ERCC6L: variants seen among roughly 807,000 people sequenced by gnomAD.
The protein encoded by ERCC6L is DNA excision repair protein ERCC-6-like.
ERCC6L carries 7 observed loss-of-function variants against 20.1 expected under a neutral mutation model. The ratio of observed to expected loss-of-function variants is 0.35; its 90% CI spans 0.20 to 0.65. The LOEUF (loss-of-function observed/expected upper bound fraction) is 0.65, where lower values mean the gene tolerates loss of function less well. Ranked by LOEUF, ERCC6L falls within the 30% of genes least tolerant of loss-of-function variation. The pLI is 0.69. For synonymous variants in ERCC6L, 278 were observed against 331.3 expected (o/e 0.84, Z 1.75); for missense variants, 592 against 892.4 (o/e 0.66, Z 4.29).
chrX:72,206,203 T>C lies in ERCC6L; in HGVS notation c.2564A>G (p.Glu855Gly), dbSNP rs2042818949. ...TTCCAGAGGATCCTCTTGCAGTGCC[T>C]CTTGCTTAGGCCCCTCTTGTAATGT... ...KETLQEGPKQ[E>G]ALQEDPLESF... Residue 855 changes from glutamate to glycine, a missense_variant, in exon 2 of 2, where the codon GAG (glutamate) becomes GGG (glycine). Around this residue, in one of 3 missense-constraint regions of ERCC6L, gnomAD observed 352 missense variants for 402.6 expected, o/e 0.87. Transcript: ENST00000334463. 1.6e-5 allele frequency: 19 copies of C among 1,211,791 alleles called. No homozygotes were observed. The highest frequency in any genetic ancestry group is 2.0e-5 in the Non-Finnish European group (18 of 895,373).
Position 72,221,085 on chromosome X carries a change from G to A in ERCC6L, c.69-12387C>T, listed in dbSNP as rs182372932. ...TGAAGGGGACTGCAAGGCTCTGGCC[G>A]GGGCTACTCCCCAACAAGTCTTTAA... On this transcript the variant is annotated intron_variant, in intron 1 of 1. Coordinates refer to ENST00000334463, the MANE Select transcript of ERCC6L (RefSeq NM_017669.4). Among the ~76,000 whole-genome samples the A allele has an allele frequency of 1.4e-3, 156 of 111,903 alleles. 1 individual carries two copies. The highest frequency in any genetic ancestry group is 4.6e-3 in the African/African-American group (141 of 30,836).
chrX:72,220,378 A>G (rs943559996), intron 1 of ERCC6L, among the ~76,000 whole-genome samples: 2 of 112,018 alleles, frequency 1.8e-5, no homozygotes, highest in African/African-American at 6.5e-5. Context: ...CATCTTGGAC[A>G]GGCCCCTCAT....
chrX:72,236,373 G>A (rs916013211), intron 1 of ERCC6L, among the ~76,000 whole-genome samples: 20 of 111,019 alleles, frequency 1.8e-4, no homozygotes, highest in Non-Finnish European at 3.0e-4. Context: ...ATCTCAGCTC[G>A]CTGCAACCTC....
intron 1 of ERCC6L, among the ~76,000 whole-genome samples, chrX:72,227,710 C>T (rs1011978768): frequency 9.0e-6 from 1 of 111,559 alleles, no homozygotes; most frequent in Non-Finnish European, 1.9e-5. Flanking sequence ...GATCCCAGTC[C>T]TACCCCCAAT....
chrX:72,205,402 C>T lies in ERCC6L; in HGVS notation c.3365G>A (p.Gly1122Asp). 3 of 1,211,969 alleles carry T rather than the reference C, an allele frequency of 2.5e-6. No individual in the cohort carries two copies. Among genetic ancestry groups the T allele is most frequent in the Non-Finnish European group, 3.3e-6 (3 of 895,549 alleles). ...CCCTTCTTCTGGATAATCTTCAGGA[C>T]CCTTTGCTTCACTGCTGTCGTCAAG... ...ERLDDSSEAK[G>D]PEDYPEEGVE... The change falls in exon 2 of 2, where the codon GGT (glycine) becomes GAT (aspartate). Residue 1122 changes from glycine (G) to aspartate (D), a missense_variant. By Grantham distance (94) the Gly-to-Asp change is moderately conservative. This residue lies in a region of ERCC6L where 352 missense variants were observed against 402.6 expected (regional missense o/e 0.87). Coordinates refer to ENST00000334463, the MANE Select transcript of ERCC6L (RefSeq NM_017669.4).
At chrX:72,229,847 T>G (rs1007489373) in intron 1 of ERCC6L, among the ~76,000 whole-genome samples, 2 of 111,762 alleles carry the variant, frequency 1.8e-5, no homozygotes, top group African/African-American at 6.5e-5. Context: ...TTAAGGCTGT[T>G]TCAACAGAAC....
At chrX:72,226,129 C>T (rs78701177) in intron 1 of ERCC6L, among the ~76,000 whole-genome samples, 2 of 111,791 alleles carry the variant, frequency 1.8e-5, no homozygotes, top group South Asian at 7.5e-4. Flanking sequence ...AGATGCTCCC[C>T]CCTTAATCCT....
Position 72,208,588 on chromosome X carries a change from A to G in ERCC6L, c.179T>C (p.Ile60Thr). The change falls in exon 2 of 2, where the codon ATC becomes ACC. Residue 60 changes from isoleucine to threonine, a missense_variant. This residue lies in a region of ERCC6L where 44 missense variants were observed against 49.8 expected (regional missense o/e 0.88). Coordinates refer to ENST00000334463, the MANE Select transcript of ERCC6L (RefSeq NM_017669.4). ...IFPNEKVLSR[I>T]QKIQEALEEL... ...CTCCAAGGCTTCCTGTATTTTTTGG[A>G]TTCTGCTCAGCACTTTTTCATTGGG... 1.7e-6 allele frequency: 2 copies of G among 1,211,445 alleles called. No individual in the cohort carries two copies. The highest frequency in any genetic ancestry group is 2.2e-6 in the Non-Finnish European group (2 of 895,358).
chrX:72,205,067 G>C lies in ERCC6L; in HGVS notation c.3700C>G (p.Pro1234Ala). The change falls in exon 2 of 2, where the codon CCT becomes GCT. Residue 1234 changes from proline (P) to alanine (A), a missense_variant. Physicochemically the swap from Pro to Ala is conservative, Grantham distance 27 (BLOSUM62 -1). Coordinates refer to ENST00000334463, the MANE Select transcript of ERCC6L (RefSeq NM_017669.4). Reference protein sequence around the residue: ...VKALDIKSADPEVMLLTLSLY... With the variant: ...VKALDIKSADAEVMLLTLSLY... ...CTTAAAGTCAAGAGCATAACTTCAG[G>C]ATCTGCACTTTTTATGTCAAGCGCT... The C allele has an allele frequency of 3.1e-5, 37 of 1,210,319 alleles. No individual in the cohort carries two copies. The highest frequency in any genetic ancestry group is 4.0e-5 in the Non-Finnish European group (36 of 894,921).
In ERCC6L at chrX:72,206,169, A is replaced by G. The variant is rs377308473; in HGVS notation, c.2598T>C (p.Asn866=). 6.6e-5 allele frequency: 80 copies of G among 1,210,356 alleles called. No homozygotes were observed. Among genetic ancestry groups the G allele is most frequent in the Non-Finnish European group, 8.3e-5 (74 of 895,320 alleles). ...CTTTGGTTGATTTGCTAAGTACATA[A>G]TTAAAACTTTCCAGAGGATCCTCTT... is the stretch of plus-strand genomic sequence containing the variant. The part of the protein sequence containing the change: ...ALQEDPLESF[N]YVLSKSTKAD... The change falls in exon 2 of 2, where the codon AAT becomes AAC. Residue 866 remains asparagine (N), a synonymous_variant. Coordinates refer to ENST00000334463, the MANE Select transcript of ERCC6L (RefSeq NM_017669.4).
At chrX:72,223,540 C>T (rs1360167764) in intron 1 of ERCC6L, among the ~76,000 whole-genome samples, 1 of 107,143 alleles carries the variant, frequency 9.3e-6, no homozygotes, top group Non-Finnish European at 1.9e-5. Flanking sequence ...CAGGCATGCG[C>T]CACCCCACCC....
rs202127459 is a variant in ERCC6L, at chrX:72,227,907, T to G, written c.68+10937A>C. Reference sequence around the variant, plus strand: ...AAGAAATCAATGTACTTTATGTTCTTAGCTCCTACAATTTAGCCTAAATAT... The same window carrying G: ...AAGAAATCAATGTACTTTATGTTCTGAGCTCCTACAATTTAGCCTAAATAT... On this transcript the variant is annotated intron_variant, in intron 1 of 1. Transcript: ENST00000334463. Among the ~76,000 whole-genome samples the G allele has an allele frequency of 1.4e-4, 16 of 113,003 alleles. No individual in the cohort carries two copies. The East Asian group carries it at 4.4e-3, about 31-fold the overall frequency.
At chrX:72,221,570 A>G (rs934440420) in intron 1 of ERCC6L, among the ~76,000 whole-genome samples, 2 of 110,675 alleles carry the variant, frequency 1.8e-5, no homozygotes, top group African/African-American at 3.3e-5. Flanking sequence ...TCACAACCTC[A>G]CCAAACTTGG....
rs199637768 is a variant in ERCC6L at position 72,218,496 on chromosome X, T to TC, written c.69-9799_69-9798insG. 5.5e-3 allele frequency among the ~76,000 whole-genome samples: 445 copies of TC among 80,339 alleles called. 2 individuals are homozygous for TC. The highest frequency in any genetic ancestry group is 0.023 in the African/African-American group (411 of 17,581). The allele number at this position is 80,339 out of a possible 115,157, so 69.8% of individuals were successfully genotyped here. A position where few individuals can be genotyped will look rare whatever the true frequency, so the allele number is the denominator to read the frequency against. On this transcript the variant is annotated intron_variant, in intron 1 of 1. Coordinates refer to ENST00000334463, the MANE Select transcript of ERCC6L (RefSeq NM_017669.4). ...ATAATAGTTTGTCAATTTCTTTCTCTTTTTTTTTTTTTTGGAAACAAGAGT... is the reference window on the plus strand; with the variant it reads ...ATAATAGTTTGTCAATTTCTTTCTCTCTTTTTTTTTTTTTGGAAACAAGAGT...
At chrX:72,209,055 G>T (rs1375678785) in intron 1 of ERCC6L, among the ~76,000 whole-genome samples, 2 of 110,708 alleles carry the variant, frequency 1.8e-5, no homozygotes, top group African/African-American at 6.6e-5. Flanking sequence ...AACCTCTCTG[G>T]CCTTATTTTA....
In ERCC6L at chrX:72,238,876, G is replaced by A. The variant is rs758000552; in HGVS notation, c.36C>T (p.Ala12=). 1.8e-5 allele frequency: 22 copies of A among 1,196,217 alleles called. No individual in the cohort carries two copies. In the East Asian group the frequency reaches 6.1e-4, roughly 33 times the overall value. Residue 12 remains alanine (A), a synonymous_variant, in exon 1 of 2, where the codon GCC becomes GCT. Transcript: ENST00000334463. ...AATGAGCAGCCTGCTCTGGGCTCAA[G>A]GCCTCGGCTTCCGGAAACCTTCGGG... ...EASRRFPEAE[A]LSPEQAAHYL...
At chrX:72,236,583 T>C (rs1175755273) in intron 1 of ERCC6L, among the ~76,000 whole-genome samples, 1 of 112,053 alleles carries the variant, frequency 8.9e-6, no homozygotes, top group Non-Finnish European at 1.9e-5. Context: ...CATGAGCCAC[T>C]GCACCCAGCC....
chrX:72,210,630 T>C (rs1343018766), intron 1 of ERCC6L, among the ~76,000 whole-genome samples: 3 of 111,359 alleles, frequency 2.7e-5, no homozygotes, highest in African/African-American at 9.8e-5. Context: ...CCCTGATCCT[T>C]AGCTCTGGGC....
intron 1 of ERCC6L, among the ~76,000 whole-genome samples, chrX:72,230,078 G>A (rs939570063): frequency 3.6e-5 from 4 of 110,052 alleles, no homozygotes; most frequent in Non-Finnish European, 5.7e-5. Flanking sequence ...GGGAGGCTGA[G>A]GCAGGAGAAT....
Sources: allele counts gnomAD v4.1 joint callset (sites outside exome capture counted in the v4.1 genomes callset), GRCh38; gene constraint gnomAD v4.1.1; regional missense constraint gnomAD v4.1.1; transcripts MANE v1.5; gene names NCBI Gene and HGNC (gene_info 2026-07-23, HGNC 2026-07-21).